Variants in PRKN observed in about 807,000 individuals in gnomAD.
The protein encoded by PRKN is parkin RBR E3 ubiquitin protein ligase.
In PRKN, 56 loss-of-function variants were observed where a neutral mutation model predicts 59.5. The observed-to-expected ratio is 0.94, with a 90% CI of 0.76 to 1.18. The LOEUF (loss-of-function observed/expected upper bound fraction) is 1.18, where lower values mean the gene tolerates loss of function less well. Ranked by LOEUF, PRKN falls within the 50% of genes most tolerant of loss-of-function variation. PRKN has a pLI of 0.00. For missense variants in PRKN, 657 were observed against 596.4 expected (o/e 1.10, Z -1.06); for synonymous variants, 250 against 222.1 (o/e 1.13, Z -1.12).
At chr6:161,831,533 C>T (rs1033176646) in intron 6 of PRKN, among the ~76,000 whole-genome samples, 2 of 152,158 alleles carry the variant, frequency 1.3e-5, no homozygotes, top group East Asian at 1.9e-4. Flanking sequence ...TAACATTAGC[C>T]ATGCATTTCA....
At chr6:161,876,697 T>C (rs1173946834) in intron 6 of PRKN, among the ~76,000 whole-genome samples, 4 of 152,162 alleles carry the variant, frequency 2.6e-5, no homozygotes, top group Non-Finnish European at 5.9e-5. Context: ...ATTTTCAACA[T>C]GTATGTGATT....
chr6:161,530,400 T>C lies in PRKN; in HGVS notation c.1083+18454A>G. On this transcript the variant is annotated intron_variant, in intron 9 of 11. Coordinates refer to ENST00000366898, the MANE Select transcript of PRKN (RefSeq NM_004562.3). The surrounding 1 kb of genome is among the most constrained non-coding windows in gnomAD (Gnocchi z 5.0). ...TCAGGTACCCTGGTTTGAAAAATCA[T>C]ACTTTTAGAAGAAATTGCCCTTTCC... Among the ~76,000 whole-genome samples, 1 of 152,214 alleles carries C rather than the reference T, an allele frequency of 6.6e-6. No individual in the cohort carries two copies. The highest frequency in any genetic ancestry group is 1.9e-4 in the East Asian group (1 of 5,196).
At chr6:162,579,100 AAATG>A (rs1780676922) in intron 1 of PRKN, among the ~76,000 whole-genome samples, 1 of 152,192 alleles carries the variant, frequency 6.6e-6, no homozygotes, top group Admixed American at 6.5e-5. Context: ...TTGACATAGC[AAATG>A]AATGTTGAGC....
chr6:162,036,688 A>G (rs893347377), intron 5 of PRKN, among the ~76,000 whole-genome samples: 1 of 152,054 alleles, frequency 6.6e-6, no homozygotes, highest in Non-Finnish European at 1.5e-5. Context: ...GCCATCTGAA[A>G]TAATTTTGAA....
chr6:161,822,914 C>A (rs1463223604), intron 6 of PRKN, among the ~76,000 whole-genome samples: 3 of 151,970 alleles, frequency 2.0e-5, no homozygotes, highest in Non-Finnish European at 2.9e-5. Context: ...TATATCCTTG[C>A]CAATTTTTTT....
chr6:161,360,064 A>G lies in PRKN; in HGVS notation c.1285+24T>C, dbSNP rs1458985096. The G allele has an allele frequency of 6.6e-6, 10 of 1,507,424 alleles. No individual in the cohort carries two copies. The highest frequency in any genetic ancestry group is 9.2e-6 in the Non-Finnish European group (10 of 1,082,566). 93.4% of individuals were successfully genotyped at this position (1,507,424 alleles called of 1,614,324 possible). ...CCCCCAAAGAGCACACGACATCCTCATTCTCTGCTCAGCACAGACTCACCA... is the reference window on the plus strand; with the variant it reads ...CCCCCAAAGAGCACACGACATCCTCGTTCTCTGCTCAGCACAGACTCACCA... On this transcript the variant is annotated intron_variant, in intron 11 of 11. Transcript: ENST00000366898. The surrounding 1 kb of genome is among the most constrained non-coding windows in gnomAD (Gnocchi z 5.1).
chr6:162,524,766 A>G (rs1778214685), intron 1 of PRKN, among the ~76,000 whole-genome samples: 1 of 152,186 alleles, frequency 6.6e-6, no homozygotes, highest in Non-Finnish European at 1.5e-5. Context: ...TACTACATCA[A>G]AAACTGCTTT....
At chr6:162,594,956 C>T (rs910956692) in intron 1 of PRKN, among the ~76,000 whole-genome samples, 4 of 152,096 alleles carry the variant, frequency 2.6e-5, no homozygotes, top group Admixed American at 6.5e-5. Context: ...GAGTAGATCA[C>T]GAGGTCAGGA....
rs192081618 is a variant in PRKN at position 161,414,734 on chromosome 6, T to C, written c.1084-27857A>G. ...ATGAAGCCCCAAAGTGCAAAAGGCA[T>C]GAAAGGCACATTATGCTTCTCCACC... On this transcript the variant is annotated intron_variant, in intron 9 of 11. Coordinates refer to ENST00000366898, the MANE Select transcript of PRKN (RefSeq NM_004562.3). This position sits in a 1 kb window ranked among gnomAD's most constrained non-coding sequence, Gnocchi z 5.3. Among the ~76,000 whole-genome samples, 191 of 152,282 alleles carry C rather than the reference T, an allele frequency of 1.3e-3. 2 individuals are homozygous for C. Among genetic ancestry groups the C allele is most frequent in the Admixed American group, 0.012 (178 of 15,302 alleles).
chr6:161,652,638 A>G (rs997750381), intron 7 of PRKN, among the ~76,000 whole-genome samples: 1 of 152,242 alleles, frequency 6.6e-6, no homozygotes, highest in African/African-American at 2.4e-5. Context: ...TAATTTTGAT[A>G]TAGAAATTAA....
intron 6 of PRKN, among the ~76,000 whole-genome samples, chr6:161,908,780 CTTTT>C (rs1485074828): frequency 1.3e-5 from 2 of 151,988 alleles, no homozygotes; most frequent in Non-Finnish European, 2.9e-5. Flanking sequence ...AACTATTTTT[CTTTT>C]TATTTATCCC....
rs1305108595 is a variant in PRKN, at chr6:161,444,827, C to T, written c.1084-57950G>A. Among the ~76,000 whole-genome samples the T allele has an allele frequency of 1.3e-5, 2 of 152,152 alleles. No individual in the cohort carries two copies. The highest frequency in any genetic ancestry group is 6.5e-5 in the Admixed American group (1 of 15,280). On this transcript the variant is annotated intron_variant, in intron 9 of 11. Coordinates refer to ENST00000366898, the MANE Select transcript of PRKN (RefSeq NM_004562.3). This position sits in a 1 kb window ranked among gnomAD's most constrained non-coding sequence, Gnocchi z 5.6. ...TCAAATGCTTTGAAAAAAGCCTTCCCGTGGTTTTGGCCAGAGGTATTTGTT... is the reference window on the plus strand; with the variant it reads ...TCAAATGCTTTGAAAAAAGCCTTCCTGTGGTTTTGGCCAGAGGTATTTGTT...
intron 1 of PRKN, among the ~76,000 whole-genome samples, chr6:162,541,189 G>A (rs1562368788): frequency 1.3e-5 from 2 of 152,216 alleles, no homozygotes; most frequent in Admixed American, 1.3e-4. Context: ...CAAAACCCTT[G>A]CCCTCATGTG....
intron 1 of PRKN, among the ~76,000 whole-genome samples, chr6:162,662,525 G>A (rs1034088514): frequency 1.3e-5 from 2 of 152,028 alleles, no homozygotes; most frequent in Non-Finnish European, 2.9e-5. Context: ...GTTTTTCCCA[G>A]TTTTTCTTAT....
intron 6 of PRKN, among the ~76,000 whole-genome samples, chr6:161,931,090 T>C (rs966785082): frequency 2.4e-4 from 36 of 152,264 alleles, no homozygotes; most frequent in African/African-American, 8.7e-4. Flanking sequence ...ATATATATAA[T>C]AGGTTGTTTT....
chr6:161,381,371 C>A (rs1785977504), intron 10 of PRKN, among the ~76,000 whole-genome samples: 2 of 152,092 alleles, frequency 1.3e-5, no homozygotes, highest in African/African-American at 4.8e-5. Flanking sequence ...AACTCTATGC[C>A]CCTGGGTGGC....
At chr6:161,802,408 C>T (rs112019315) in intron 6 of PRKN, among the ~76,000 whole-genome samples, 11 of 151,620 alleles carry the variant, frequency 7.3e-5, no homozygotes, top group African/African-American at 2.7e-4. Context: ...CACACACACA[C>T]CCCACACAAG....
intron 6 of PRKN, among the ~76,000 whole-genome samples, chr6:161,849,628 T>A (rs1406133911): frequency 6.6e-6 from 1 of 152,194 alleles, no homozygotes; most frequent in African/African-American, 2.4e-5. Flanking sequence ...GAGATTTTTC[T>A]TTGTAATGAA....
chr6:161,782,445 A>G (rs1790245582), intron 7 of PRKN, among the ~76,000 whole-genome samples: 1 of 152,126 alleles, frequency 6.6e-6, no homozygotes, highest in Non-Finnish European at 1.5e-5. Context: ...GGGAGAGAAA[A>G]GGAATATTAT....
Sources: gnomAD v4.1 joint callset for allele counts (sites outside exome capture counted in the v4.1 genomes callset) on GRCh38, gnomAD v4.1.1 for gene constraint, Gnocchi (gnomAD v3.1) non-coding constraint, MANE v1.5 for transcripts, NCBI Gene and HGNC (gene_info 2026-07-23, HGNC 2026-07-21) for gene names.